MAF: variants seen among roughly 807,000 people sequenced by gnomAD.
MAF encodes MAF bZIP transcription factor.
A neutral mutation model predicts 22.0 loss-of-function variants in MAF; 10 were observed. That is an observed-to-expected ratio of 0.45 (90% CI 0.28 to 0.77). The LOEUF (loss-of-function observed/expected upper bound fraction) is 0.77. MAF is among the 30% of genes least tolerant of loss of function. MAF has a pLI of 0.12. For missense variants in MAF, 544 were observed against 548.4 expected (o/e 0.99, Z 0.08); for synonymous variants, 337 against 255.8 (o/e 1.32, Z -3.03).
chr16:79,265,210 C>A, the MAF span, among the ~76,000 whole-genome samples: 33 of 151,964 alleles, frequency 2.2e-4, no homozygotes, highest in African/African-American at 5.5e-4. Flanking sequence ...GGATGTATTC[C>A]CCCTGTTTAA....
downstream of MAF, among the ~76,000 whole-genome samples, chr16:79,581,679 A>AC (rs397933091): frequency 2.6e-5 from 4 of 151,972 alleles, no homozygotes; most frequent in East Asian, 5.8e-4. Flanking sequence ...TGTGAAAAAA[A>AC]CACATTATTA....
chr16:79,520,436 C>T, the MAF span, among the ~76,000 whole-genome samples: 1 of 152,146 alleles, frequency 6.6e-6, no homozygotes, highest in African/African-American at 2.4e-5. Context: ...TGGTCCTAAC[C>T]TCATTCCCCA....
chr16:79,219,495 G>A, the MAF span, among the ~76,000 whole-genome samples: 2 of 135,336 alleles, frequency 1.5e-5, no homozygotes, highest in South Asian at 2.3e-4. Flanking sequence ...AGCCTAAAGT[G>A]AGCGGACATC....
chr16:79,508,285 T>C, the MAF span, among the ~76,000 whole-genome samples: 1 of 152,190 alleles, frequency 6.6e-6, no homozygotes, highest in Non-Finnish European at 1.5e-5. Context: ...TTCTGGCTTC[T>C]TGTTGGACTT....
chr16:79,391,643 G>C, the MAF span, among the ~76,000 whole-genome samples: 2 of 152,154 alleles, frequency 1.3e-5, no homozygotes, highest in Non-Finnish European at 2.9e-5. Flanking sequence ...TCCCCCCGGG[G>C]TCGGCTTCCC....
the MAF span, among the ~76,000 whole-genome samples, chr16:79,515,479 T>G: frequency 6.6e-6 from 1 of 152,230 alleles, no homozygotes; most frequent in African/African-American, 2.4e-5. Context: ...ACTTTGCGTT[T>G]GATGATTTTG....
At chr16:79,245,897 G>T in the MAF span, among the ~76,000 whole-genome samples, 1 of 152,018 alleles carries the variant, frequency 6.6e-6, no homozygotes, top group African/African-American at 2.4e-5. Flanking sequence ...ATGAGTTCAT[G>T]TTTTCTGCAG....
the MAF span, among the ~76,000 whole-genome samples, chr16:79,283,385 A>G: frequency 1.3e-5 from 2 of 152,210 alleles, no homozygotes; most frequent in Non-Finnish European, 2.9e-5. Context: ...TATTCTTTTT[A>G]AAAGCTTCTT....
the MAF span, among the ~76,000 whole-genome samples, chr16:79,221,252 A>C: frequency 6.6e-6 from 1 of 152,156 alleles, no homozygotes; most frequent in Admixed American, 6.5e-5. Context: ...CTTTATGATG[A>C]AGTACTTGGC....
chr16:79,491,234 A>T, the MAF span, among the ~76,000 whole-genome samples: 1 of 152,206 alleles, frequency 6.6e-6, no homozygotes, highest in African/African-American at 2.4e-5. Context: ...AAGGCACATC[A>T]GTAATATTAC....
chr16:79,450,232 T>C, the MAF span, among the ~76,000 whole-genome samples: 555 of 152,354 alleles, frequency 3.6e-3, 3 homozygotes, highest in African/African-American at 0.013. Flanking sequence ...TTACCTTTAG[T>C]ACAATTTATA....
chr16:79,359,299 G>A, the MAF span, among the ~76,000 whole-genome samples: 1 of 152,196 alleles, frequency 6.6e-6, no homozygotes. Flanking sequence ...AAGTGATGGT[G>A]ATGTCAGTTC....
chr16:79,466,151 A>G, the MAF span, among the ~76,000 whole-genome samples: 2 of 152,180 alleles, frequency 1.3e-5, no homozygotes. Context: ...TTCTACAATC[A>G]CTGATGAAAC....
chr16:79,212,604 T>A, the MAF span: 1 of 159,526 alleles, frequency 6.3e-6, no homozygotes, highest in Non-Finnish European at 1.4e-5. Context: ...GCTTTCACAT[T>A]GTACTTAAAC....
the MAF span, among the ~76,000 whole-genome samples, chr16:79,440,822 C>G: frequency 6.6e-6 from 1 of 152,314 alleles, no homozygotes; most frequent in South Asian, 2.1e-4. Context: ...CCATGCTACT[C>G]TCATATTTAC....
At chr16:79,538,895 G>C in the MAF span, among the ~76,000 whole-genome samples, 1 of 147,484 alleles carries the variant, frequency 6.8e-6, no homozygotes, top group Non-Finnish European at 1.5e-5. Flanking sequence ...AAGAAAGAAA[G>C]AAAGAAAGAA....
At chr16:79,438,000 CG>C in the MAF span, among the ~76,000 whole-genome samples, 2 of 152,130 alleles carry the variant, frequency 1.3e-5, no homozygotes, top group East Asian at 3.9e-4. Context: ...ACCGGGAAGC[CG>C]GGGCTACTAC....
chr16:79,428,867 T>TAATAATAAC, the MAF span, among the ~76,000 whole-genome samples: 1 of 150,538 alleles, frequency 6.6e-6, no homozygotes, highest in East Asian at 2.0e-4. Flanking sequence ...ATAATAATAA[T>TAATAATAAC]AATAGTAATA....
intron 1 of MAF, chr16:79,596,095 C>A: frequency 9.4e-7 from 1 of 1,062,564 alleles, no homozygotes; most frequent in Non-Finnish European, 1.1e-6. Context: ...GTGCGCAAGC[C>A]ACCTCTGATG....
Sources: allele counts gnomAD v4.1 joint callset (sites outside exome capture counted in the v4.1 genomes callset), GRCh38; gene constraint gnomAD v4.1.1; transcripts MANE v1.5; gene names NCBI Gene and HGNC (gene_info 2026-07-23, HGNC 2026-07-21).